The following SV2A variants were observed in gnomAD, a reference collection of about 807,000 sequenced individuals.
SV2A encodes synaptic vesicle glycoprotein 2A.
A neutral mutation model predicts 78.0 loss-of-function variants in SV2A; 25 were observed. The observed-to-expected ratio is 0.32, with a 90% CI of 0.23 to 0.45. The LOEUF is 0.45. Ranked by LOEUF, SV2A falls within the 20% of genes least tolerant of loss-of-function variation. The pLI is 1.00. For synonymous variants in SV2A, 355 were observed against 384.7 expected, an observed-to-expected ratio of 0.92 and a Z score of 0.90; for missense variants, 752 against 971.5, an observed-to-expected ratio of 0.77 and a Z score of 3.00.
In SV2A at chr1:149,907,812, C is replaced by G. The variant is rs782692522; in HGVS notation, c.1566G>C (p.Lys522Asn). The change falls in exon 10 of 13, where the codon AAG becomes AAC. Residue 522 changes from lysine (K) to asparagine (N), a missense_variant. Physicochemically the swap from Lys to Asn is moderately conservative, Grantham distance 94. Around this residue, in one of 7 missense-constraint regions of SV2A, gnomAD observed 81 missense variants for 74.2 expected, o/e 1.09. Transcript: ENST00000369146. ...FNDKFIGLRLKSVSFEDSLFE... is the reference protein window; with the variant it reads ...FNDKFIGLRLNSVSFEDSLFE... ...ACAGGGAATCCTCAAAGGACACTGACTTGAGCCGCAGCCCAATGAACCTGT... is the reference window on the plus strand; with the variant it reads ...ACAGGGAATCCTCAAAGGACACTGAGTTGAGCCGCAGCCCAATGAACCTGT... 1.2e-4 allele frequency: 187 copies of G among 1,614,006 alleles called. No homozygotes were observed. The highest frequency in any genetic ancestry group is 1.5e-4 in the Non-Finnish European group (173 of 1,180,004).
At chr1:149,917,469 G>A (rs1159277569) in intron 1 of SV2A, among the ~76,000 whole-genome samples, 1 of 152,050 alleles carries the variant, frequency 6.6e-6, no homozygotes, top group Non-Finnish European at 1.5e-5. Context: ...GGGGATAGTG[G>A]GGACTTGGTT....
In SV2A at chr1:149,910,637, G is replaced by A; in HGVS notation, c.1022C>T (p.Ala341Val). Reference sequence around the variant, plus strand: ...CCCAATGGCAAACACAGAAGGAAAGGCGCAGACGAGGACGAAGACCCTCCA... The same window carrying A: ...CCCAATGGCAAACACAGAAGGAAAGACGCAGACGAGGACGAAGACCCTCCA... ...HSWRVFVLVC[A>V]FPSVFAIGAL... The change falls in exon 5 of 13, where the codon GCC becomes GTC. Residue 341 changes from alanine to valine, a missense_variant. By Grantham distance (64) the Ala-to-Val change is moderately conservative (BLOSUM62 0). Coordinates refer to ENST00000369146, the MANE Select transcript of SV2A (RefSeq NM_014849.5). The surrounding 1 kb of genome is among the most constrained non-coding windows in gnomAD (Gnocchi z 4.2). The A allele has an allele frequency of 6.2e-7, 1 of 1,613,792 alleles. No homozygotes were observed. The highest frequency in any genetic ancestry group is 8.5e-7 in the Non-Finnish European group (1 of 1,179,870).
At chr1:149,912,790 C>A (rs998866615) in intron 2 of SV2A, among the ~76,000 whole-genome samples, 6 of 150,886 alleles carry the variant, frequency 4.0e-5, no homozygotes, top group Admixed American at 6.6e-5. Context: ...CCCTCCCCCC[C>A]TCCCCCAACC....
rs1490916041 is a variant in SV2A, at chr1:149,914,034, G to A, written c.-194C>T. 8.7e-6 allele frequency: 7 copies of A among 801,548 alleles called. No individual in the cohort carries two copies. The highest frequency in any genetic ancestry group is 2.0e-5 in the South Asian group (1 of 49,446). 49.7% of individuals were successfully genotyped at this position (801,548 alleles called of 1,614,324 possible). A position where few individuals can be genotyped will look rare whatever the true frequency, so the allele number is the denominator to read the frequency against. On this transcript the variant is annotated 5_prime_UTR_variant, in exon 2 of 13. Coordinates refer to ENST00000369146, the MANE Select transcript of SV2A (RefSeq NM_014849.5). ...AGTGCCTAGGAAGGAAAAGGAAGGA[G>A]AGGAGCTTTGACCTATACCCAGTTC...
rs1384635337 is a variant in SV2A at position 149,907,718 on chromosome 1, T to A, written c.1660A>T (p.Thr554Ser). 4 of 1,613,888 alleles carry A rather than the reference T, an allele frequency of 2.5e-6. No homozygotes were observed. Among genetic ancestry groups the A allele is most frequent in the South Asian group, 2.2e-5 (2 of 91,076 alleles). The change falls in exon 10 of 13, where the codon ACT becomes TCT. Residue 554 changes from threonine (T) to serine (S), a missense_variant. Around this residue, in one of 7 missense-constraint regions of SV2A, gnomAD observed 186 missense variants for 274.6 expected, o/e 0.68. Coordinates refer to ENST00000369146, the MANE Select transcript of SV2A (RefSeq NM_014849.5). Reference sequence around the variant, plus strand: ...GCCTTACCAGTGTTATAGAACACAGTGTTGATGAATGTGCAGTTGCGGAAA... The same window carrying A: ...GCCTTACCAGTGTTATAGAACACAGAGTTGATGAATGTGCAGTTGCGGAAA... ...TFFRNCTFIN[T>S]VFYNTDLFEY...
rs782624766 is a variant in SV2A at position 149,905,912 on chromosome 1, C to T, written c.2013G>A (p.Val671=). The part of the protein sequence containing the change: ...VSIASWNALD[V]LTVELYPSDK... ...CTGAGGGGTAGAGTTCAACAGTCAA[C>T]ACGTCCAGCGCATTCCAGGATGCAA... Residue 671 remains valine (V), a synonymous_variant, in exon 12 of 13, where the codon GTG becomes GTA. Coordinates refer to ENST00000369146, the MANE Select transcript of SV2A (RefSeq NM_014849.5). 32 of 1,614,030 alleles carry T rather than the reference C, an allele frequency of 2.0e-5. No homozygotes were observed. Among genetic ancestry groups the T allele is most frequent in the Non-Finnish European group, 2.6e-5 (31 of 1,180,040 alleles).
In SV2A at chr1:149,910,656, C is replaced by G; in HGVS notation, c.1003G>C (p.Val335Leu). Reference protein sequence around the residue: ...GSAYQFHSWRVFVLVCAFPSV... With the variant: ...GSAYQFHSWRLFVLVCAFPSV... The stretch of plus-strand genomic sequence containing the variant: ...GGAAAGGCGCAGACGAGGACGAAGA[C>G]CCTCCAGCTGTGGAACTGGTAGGCA... Residue 335 changes from valine (V) to leucine (L), a missense_variant, in exon 5 of 13, where the codon GTC (valine) becomes CTC (leucine). By Grantham distance (32) the Val-to-Leu change is conservative. Around this residue, in one of 7 missense-constraint regions of SV2A, gnomAD observed 43 missense variants for 70.8 expected, o/e 0.61. Transcript: ENST00000369146. This position sits in a 1 kb window ranked among gnomAD's most constrained non-coding sequence, Gnocchi z 4.2. 6.2e-7 allele frequency: 1 copy of G among 1,613,964 alleles called. No homozygotes were observed.
Position 149,909,898 on chromosome 1 carries a change from C to T in SV2A, c.1090-8G>A, listed in dbSNP as rs1339559645. 1.9e-6 allele frequency: 3 copies of T among 1,613,706 alleles called. No homozygotes were observed. Among genetic ancestry groups the T allele is most frequent in the Non-Finnish European group, 2.5e-6 (3 of 1,179,874 alleles). On this transcript the variant is annotated splice_polypyrimidine_tract_variant and splice_region_variant and intron_variant, in intron 5 of 12. Coordinates refer to ENST00000369146, the MANE Select transcript of SV2A (RefSeq NM_014849.5). ...CTCATCATGCTTTCCATTCTAGAGC[C>T]AAAGACACAATCCCCACATCCAAGT...
At chr1:149,905,643 A>G in intron 12 of SV2A, 1 of 474,900 alleles carries the variant, frequency 2.1e-6, no homozygotes. Flanking sequence ...GGGTTTCACC[A>G]TGTTGGCCAG....
chr1:149,907,662 A>AC (rs2092447252), intron 10 of SV2A, 38 bp downstream of exon 10: 2 of 1,600,504 alleles, frequency 1.2e-6, no homozygotes, highest in African/African-American at 1.3e-5. Context: ...GGTCCACCCA[A>AC]CCCTTTGGTC....
chr1:149,912,321 C>T (rs894718477), intron 2 of SV2A, among the ~76,000 whole-genome samples: 3 of 152,036 alleles, frequency 2.0e-5, no homozygotes, highest in African/African-American at 7.3e-5. Context: ...ACAGACCACC[C>T]CAGGGTCCTC....
chr1:149,910,005 C>T lies in SV2A; in HGVS notation c.1090-115G>A. 1 of 923,416 alleles carries T rather than the reference C, an allele frequency of 1.1e-6. No homozygotes were observed. Among genetic ancestry groups the T allele is most frequent in the Non-Finnish European group, 1.7e-6 (1 of 587,884 alleles). The allele number at this position is 923,416 out of a possible 1,614,324, so 57.2% of individuals were successfully genotyped here. A position where few individuals can be genotyped will look rare whatever the true frequency, so the allele number is the denominator to read the frequency against. ...TCACAGGACACTAAATGGTTCCCAG[C>T]CCTCAACCCCACCACCAAGCCCTGA... On this transcript the variant is annotated intron_variant, in intron 5 of 12. Transcript: ENST00000369146. This position sits in a 1 kb window ranked among gnomAD's most constrained non-coding sequence, Gnocchi z 4.2.
At position 149,913,641 on chromosome 1, in the gene SV2A, C is replaced by G. The variant is rs782641312; in HGVS notation, c.200G>C (p.Arg67Pro). The stretch of plus-strand genomic sequence containing the variant: ...CTCCTCATCCTGGGTCCCTTCTCCT[C>G]GGTAATAACCATCACTGGGAGCAGG... ...DFPAPSDGYYRGEGTQDEEEG... is the reference protein window; with the variant it reads ...DFPAPSDGYYPGEGTQDEEEG... The change falls in exon 2 of 13, where the codon CGA becomes CCA. Residue 67 changes from arginine (R) to proline (P), a missense_variant. Physicochemically the swap from Arg to Pro is moderately radical, Grantham distance 103. Around this residue, in one of 7 missense-constraint regions of SV2A, gnomAD observed 291 missense variants for 359.5 expected, o/e 0.81. Transcript: ENST00000369146. 11 of 1,614,004 alleles carry G rather than the reference C, an allele frequency of 6.8e-6. No homozygotes were observed. The highest frequency in any genetic ancestry group is 4.5e-5 in the East Asian group (2 of 44,890).
rs781856990 is a variant in SV2A, at chr1:149,910,781, G to A, written c.955+45C>T. The A allele has an allele frequency of 1.9e-5, 31 of 1,611,678 alleles. No homozygotes were observed. The East Asian group carries it at 6.5e-4, about 34-fold the overall frequency. On this transcript the variant is annotated intron_variant, in intron 4 of 12. Coordinates refer to ENST00000369146, the MANE Select transcript of SV2A (RefSeq NM_014849.5). This position sits in a 1 kb window ranked among gnomAD's most constrained non-coding sequence, Gnocchi z 4.2. Reference sequence around the variant, plus strand: ...CCACCACAGGGAGCACAGAAGAAGAGGGAGGAGGGAGATAACCTGGGGTGG... The same window carrying A: ...CCACCACAGGGAGCACAGAAGAAGAAGGAGGAGGGAGATAACCTGGGGTGG...
In SV2A at chr1:149,910,531, C is replaced by A; in HGVS notation, c.1089+39G>T. ...CCTGCTGCCGTCCACACTCCACAGC[C>A]CGCACCCCACCCCACCCCATGCAGC... is the stretch of plus-strand genomic sequence containing the variant. On this transcript the variant is annotated intron_variant, in intron 5 of 12. Transcript: ENST00000369146. The surrounding 1 kb of genome is among the most constrained non-coding windows in gnomAD (Gnocchi z 4.2). The A allele has an allele frequency of 6.4e-7, 1 of 1,559,668 alleles. No homozygotes were observed. The highest frequency in any genetic ancestry group is 8.7e-7 in the Non-Finnish European group (1 of 1,154,974).
At chr1:149,911,656 G>A (rs1360167321) in intron 3 of SV2A, 144 bp downstream of exon 3, 18 of 851,230 alleles carry the variant, frequency 2.1e-5, no homozygotes, top group Non-Finnish European at 3.2e-5. Context: ...AAGATGGCTG[G>A]GGGAGAAAGG....
In SV2A at chr1:149,913,818, C is replaced by G. The variant is rs140742320; in HGVS notation, c.23G>C (p.Arg8Pro). The G allele has an allele frequency of 5.0e-6, 8 of 1,609,902 alleles. No individual in the cohort carries two copies. The African/African-American group carries it at 9.4e-5, about 19-fold the overall frequency. MEEGFRDRAAFIRGAKDI... is the reference protein window; with the variant it reads MEEGFRDPAAFIRGAKDI... ...TTTGGCCCCACGGATGAAAGCTGCCCGGTCTCGGAAGCCCTCTTCCATGAT... is the reference window on the plus strand; with the variant it reads ...TTTGGCCCCACGGATGAAAGCTGCCGGGTCTCGGAAGCCCTCTTCCATGAT... The change falls in exon 2 of 13, where the codon CGG becomes CCG. Residue 8 changes from arginine to proline, a missense_variant. Physicochemically the swap from Arg to Pro is moderately radical, Grantham distance 103 (BLOSUM62 -2). Coordinates refer to ENST00000369146, the MANE Select transcript of SV2A (RefSeq NM_014849.5).
intron 12 of SV2A, 91 bp downstream of exon 12, chr1:149,905,789 A>G (rs1284389558): frequency 6.6e-7 from 1 of 1,514,284 alleles, no homozygotes; most frequent in African/African-American, 1.4e-5. Flanking sequence ...ATATCCTCTC[A>G]CCCCTAAGGA....
chr1:149,904,714 A>G lies in SV2A; in HGVS notation c.*300T>C. ...TCTGGAACCCCTGGAACAGGGAAGC[A>G]AGGGCCCCTCTCTAACAGGGGGAGA... is the stretch of plus-strand genomic sequence containing the variant. On this transcript the variant is annotated 3_prime_UTR_variant, in exon 13 of 13. Transcript: ENST00000369146. 1 of 306,816 alleles carries G rather than the reference A, an allele frequency of 3.3e-6. No homozygotes were observed. The allele number at this position is 306,816 out of a possible 1,614,324, so 19.0% of individuals were successfully genotyped here. A position where few individuals can be genotyped will look rare whatever the true frequency, so the allele number is the denominator to read the frequency against.
Sources: allele counts gnomAD v4.1 joint callset (sites outside exome capture counted in the v4.1 genomes callset), GRCh38; gene constraint gnomAD v4.1.1; regional missense constraint gnomAD v4.1.1; non-coding constraint Gnocchi (gnomAD v3.1); transcripts MANE v1.5; gene names NCBI Gene and HGNC (gene_info 2026-07-23, HGNC 2026-07-21).